Variants in VTCN1 observed in about 807,000 individuals in gnomAD.
VTCN1 encodes the protein V-set domain-containing T-cell activation inhibitor 1.
VTCN1 carries 26 observed loss-of-function variants against 26.5 expected under a neutral mutation model. The ratio of observed to expected loss-of-function variants is 0.98; its 90% confidence interval spans 0.72 to 1.36. The LOEUF (loss-of-function observed/expected upper bound fraction) is 1.36, where lower values mean the gene tolerates loss of function less well. VTCN1 is among the 40% of genes most tolerant of loss of function. The probability of loss-of-function intolerance (pLI) is 0.00; values close to 1 mark genes in which losing one functional copy is unlikely to be tolerated. For synonymous variants in VTCN1, 116 were observed against 130.7 expected, an observed-to-expected ratio of 0.89 and a Z score of 0.77; for missense variants, 298 against 337.7, an observed-to-expected ratio of 0.88 and a Z score of 0.92.
chr1:117,172,752 G>C (rs928500573), intron 1 of VTCN1, among the ~76,000 whole-genome samples: 4 of 151,614 alleles, frequency 2.6e-5, no homozygotes, highest in African/African-American at 9.7e-5. Context: ...CCTAGGTCGA[G>C]TGGGGGACTT....
chr1:117,179,969 G>A (rs932840197), intron 1 of VTCN1, among the ~76,000 whole-genome samples: 7 of 152,174 alleles, frequency 4.6e-5, no homozygotes, highest in African/African-American at 7.2e-5. Flanking sequence ...TGCCATCATC[G>A]TTGGTCTTAA....
At position 117,169,344 on chromosome 1, in the gene VTCN1, A is replaced by G. The variant is rs547891662; in HGVS notation, c.97+763T>C. ...GTATCTGTTTCCTACATGGTACAGT[A>G]GTCATGACCAGTTGTCTCTTTACCT... On this transcript the variant is annotated intron_variant, in intron 2 of 5. Coordinates refer to ENST00000369458, the MANE Select transcript of VTCN1 (RefSeq NM_024626.4). This position sits in a 1 kb window ranked among gnomAD's most constrained non-coding sequence, Gnocchi z 4.0. Among the ~76,000 whole-genome samples, 3 of 152,322 alleles carry G rather than the reference A, an allele frequency of 2.0e-5. No homozygotes were observed. The highest frequency in any genetic ancestry group is 2.9e-5 in the Non-Finnish European group (2 of 68,032).
chr1:117,179,097 CT>C, intron 1 of VTCN1, among the ~76,000 whole-genome samples: 1 of 152,294 alleles, frequency 6.6e-6, no homozygotes, highest in South Asian at 2.1e-4. Context: ...AAAAAGAACA[CT>C]GATTAACATG....
intron 1 of VTCN1, among the ~76,000 whole-genome samples, chr1:117,177,815 T>C (rs920288357): frequency 1.3e-5 from 2 of 151,942 alleles, no homozygotes; most frequent in Non-Finnish European, 2.9e-5. Context: ...CCAACAATCA[T>C]TTGAATGACT....
At chr1:117,180,802 T>C (rs561089250) in intron 1 of VTCN1, among the ~76,000 whole-genome samples, 13 of 152,340 alleles carry the variant, frequency 8.5e-5, no homozygotes, top group African/African-American at 3.1e-4. Flanking sequence ...CTCTCTCCAC[T>C]TCTGCTCACC....
chr1:117,170,045 G>A (rs1652821413), intron 2 of VTCN1, 62 bp downstream of exon 2: 4 of 1,474,380 alleles, frequency 2.7e-6, no homozygotes, highest in Middle Eastern at 3.6e-4. Flanking sequence ...CTAACGCACT[G>A]AGTGATTAGG....
At chr1:117,153,904 T>A (rs939229887) in intron 3 of VTCN1, among the ~76,000 whole-genome samples, 1 of 152,188 alleles carries the variant, frequency 6.6e-6, no homozygotes, top group African/African-American at 2.4e-5. Context: ...AGCTCTGGTA[T>A]CCAGGGATAG....
In VTCN1 at chr1:117,186,153, A is replaced by G. The variant is rs762016660; in HGVS notation, c.33-15982T>C. Among the ~76,000 whole-genome samples the G allele has an allele frequency of 3.7e-4, 57 of 152,230 alleles. 1 individual carries two copies. Among genetic ancestry groups the G allele is most frequent in the Non-Finnish European group, 6.8e-4 (46 of 68,040 alleles). On this transcript the variant is annotated intron_variant, in intron 1 of 5. Coordinates refer to ENST00000369458, the MANE Select transcript of VTCN1 (RefSeq NM_024626.4). ...CCAGAAACTGGAAATGTAGTTCAAC[A>G]ATGGTCATGAGAGCTATTTCCAGGC...
At chr1:117,203,736 C>T in intron 1 of VTCN1, 1 of 985,400 alleles carries the variant, frequency 1.0e-6, no homozygotes, top group Non-Finnish European at 1.2e-6. Flanking sequence ...TTATATCTAT[C>T]TGGATTAAAT....
chr1:117,181,673 C>A (rs972485891), intron 1 of VTCN1, among the ~76,000 whole-genome samples: 4 of 152,140 alleles, frequency 2.6e-5, no homozygotes, highest in African/African-American at 4.8e-5. Context: ...GGAGGCTGAA[C>A]ATGTGTGAAG....
chr1:117,208,977 G>A (rs1040908429), intron 1 of VTCN1, among the ~76,000 whole-genome samples: 4 of 152,174 alleles, frequency 2.6e-5, no homozygotes, highest in Non-Finnish European at 4.4e-5. Context: ...GGTTATTAGG[G>A]TCAAGAGTTA....
intron 4 of VTCN1, 42 bp downstream of exon 4, chr1:117,153,049 T>C: frequency 1.3e-6 from 2 of 1,566,840 alleles, no homozygotes; most frequent in East Asian, 2.3e-5. Context: ...TAGATTTTAC[T>C]CTTTCCCCAG....
At chr1:117,148,852 C>G (rs998918787) in intron 4 of VTCN1, among the ~76,000 whole-genome samples, 9 of 152,288 alleles carry the variant, frequency 5.9e-5, no homozygotes, top group Admixed American at 3.3e-4. Context: ...TCCCCACTGT[C>G]AGACAGAACC....
rs1652267539 is a variant in VTCN1 at position 117,159,703 on chromosome 1, C to G, written c.98-2782G>C. 6.6e-6 allele frequency among the ~76,000 whole-genome samples: 1 copy of G among 152,178 alleles called. No homozygotes were observed. Among genetic ancestry groups the G allele is most frequent in the Admixed American group, 6.5e-5 (1 of 15,278 alleles). Reference sequence around the variant, plus strand: ...AAATCTCATGTTAACTAAATGTGGCCTAGTCATTCTGAAAAATGCTGAATT... The same window carrying G: ...AAATCTCATGTTAACTAAATGTGGCGTAGTCATTCTGAAAAATGCTGAATT... On this transcript the variant is annotated intron_variant, in intron 2 of 5. Transcript: ENST00000369458. The surrounding 1 kb of genome is among the most constrained non-coding windows in gnomAD (Gnocchi z 4.7).
chr1:117,181,751 CA>C (rs1240880851), intron 1 of VTCN1, among the ~76,000 whole-genome samples: 12 of 152,112 alleles, frequency 7.9e-5, no homozygotes, highest in African/African-American at 2.9e-4. Context: ...AACTAGGCCC[CA>C]AAAGAGCTGA....
At chr1:117,193,537 T>C (rs767149227) in intron 1 of VTCN1, among the ~76,000 whole-genome samples, 7 of 150,960 alleles carry the variant, frequency 4.6e-5, no homozygotes, top group Non-Finnish European at 1.0e-4. Flanking sequence ...GGTCAATTCA[T>C]CAAAAGGGTA....
chr1:117,180,167 G>A (rs1647602587), intron 1 of VTCN1, among the ~76,000 whole-genome samples: 1 of 152,066 alleles, frequency 6.6e-6, no homozygotes, highest in Admixed American at 6.6e-5. Flanking sequence ...GAAAACTGGA[G>A]GGGGCATGAG....
At chr1:117,149,098 A>C (rs1472956212) in intron 4 of VTCN1, among the ~76,000 whole-genome samples, 1 of 152,196 alleles carries the variant, frequency 6.6e-6, no homozygotes, top group Non-Finnish European at 1.5e-5. Flanking sequence ...AAAAGATGAC[A>C]CTGGTGGGGA....
At chr1:117,205,137 T>C (rs1648986052) in intron 1 of VTCN1, among the ~76,000 whole-genome samples, 1 of 68,906 alleles carries the variant, frequency 1.5e-5, no homozygotes, top group Non-Finnish European at 3.4e-5. Context: ...ATGTCATATA[T>C]ATATTTTTAT....
Sources: allele counts gnomAD v4.1 joint callset (sites outside exome capture counted in the v4.1 genomes callset), GRCh38; gene constraint gnomAD v4.1.1; non-coding constraint Gnocchi (gnomAD v3.1); transcripts MANE v1.5; gene names NCBI Gene and HGNC (gene_info 2026-07-23, HGNC 2026-07-21).